The following SLC71A2 variants were observed in gnomAD, a reference collection of about 807,000 sequenced individuals.
SLC71A2 encodes the protein solute carrier family 71 member 2, also known as hippocampus abundant transcript-like 1.
chr9:94,388,182 A>G, the SLC71A2 span, among the ~76,000 whole-genome samples: 2 of 152,216 alleles, frequency 1.3e-5, no homozygotes, highest in South Asian at 2.1e-4. Flanking sequence ...AGTCAGCCAG[A>G]TACATGTGAG....
At chr9:94,443,578 T>G in the SLC71A2 span, among the ~76,000 whole-genome samples, 1 of 152,224 alleles carries the variant, frequency 6.6e-6, no homozygotes, top group Admixed American at 6.5e-5. Context: ...ATTCTTTAGA[T>G]TTATTCATCA....
chr9:94,409,416 C>T, the SLC71A2 span, among the ~76,000 whole-genome samples: 7 of 150,540 alleles, frequency 4.6e-5, no homozygotes, highest in African/African-American at 1.7e-4. Flanking sequence ...CCTTGACCCC[C>T]CAAAGTGCTA....
the SLC71A2 span, among the ~76,000 whole-genome samples, chr9:94,450,622 T>TG: frequency 6.6e-6 from 1 of 151,836 alleles, no homozygotes; most frequent in East Asian, 1.9e-4. Flanking sequence ...CCTGAGTAGC[T>TG]GGGATTACAG....
the SLC71A2 span, among the ~76,000 whole-genome samples, chr9:94,399,880 A>G: frequency 1.3e-5 from 2 of 149,540 alleles, no homozygotes; most frequent in Non-Finnish European, 3.0e-5. Flanking sequence ...ATCTCGGCTC[A>G]CTACAACCTC....
At chr9:94,408,835 G>GT in the SLC71A2 span, among the ~76,000 whole-genome samples, 2,074 of 109,816 alleles carry the variant, frequency 0.019, 84 homozygotes, top group African/African-American at 0.071. Context: ...TTGTTTGTTT[G>GT]TTTTTTGAGA....
chr9:94,409,055 G>A, the SLC71A2 span, among the ~76,000 whole-genome samples: 29,722 of 148,972 alleles, frequency 0.2, 3,189 homozygotes, highest in Middle Eastern at 0.29. Flanking sequence ...GGATGGTCTC[G>A]ACCTCCTGAC....
At chr9:94,425,964 G>C in the SLC71A2 span, among the ~76,000 whole-genome samples, 1 of 152,010 alleles carries the variant, frequency 6.6e-6, no homozygotes, top group Non-Finnish European at 1.5e-5. Flanking sequence ...CAGTCAGGCT[G>C]TAGCCAGTTT....
At chr9:94,416,755 G>A in the SLC71A2 span, among the ~76,000 whole-genome samples, 3 of 151,894 alleles carry the variant, frequency 2.0e-5, no homozygotes, top group East Asian at 3.9e-4. Context: ...TCAGGATTCT[G>A]AGGCAGGAGA....
the SLC71A2 span, among the ~76,000 whole-genome samples, chr9:94,405,518 A>AG: frequency 1.2e-3 from 188 of 150,864 alleles, 4 homozygotes; most frequent in Middle Eastern, 3.4e-3. Context: ...AAAAAAAAAA[A>AG]GACTGGGCTT....
At chr9:94,414,290 C>G in the SLC71A2 span, among the ~76,000 whole-genome samples, 1 of 152,062 alleles carries the variant, frequency 6.6e-6, no homozygotes, top group Non-Finnish European at 1.5e-5. Flanking sequence ...GAAAACGAGT[C>G]AAGGCAGGGT....
chr9:94,397,060 G>A, the SLC71A2 span, among the ~76,000 whole-genome samples: 6 of 152,304 alleles, frequency 3.9e-5, no homozygotes, highest in East Asian at 1.9e-4. Flanking sequence ...GTGAGCCACC[G>A]TGCCCGGCCT....
At chr9:94,442,938 G>C in the SLC71A2 span, among the ~76,000 whole-genome samples, 6,795 of 152,068 alleles carry the variant, frequency 0.045, 208 homozygotes, top group South Asian at 0.13. Context: ...CAAGAAGGTA[G>C]GTTGTTCAAG....
chr9:94,456,748 G>A, the SLC71A2 span, among the ~76,000 whole-genome samples: 1 of 152,166 alleles, frequency 6.6e-6, no homozygotes, highest in Non-Finnish European at 1.5e-5. Context: ...AAGTCTTTGA[G>A]CTTAATTTAG....
At chr9:94,442,135 G>C in the SLC71A2 span, among the ~76,000 whole-genome samples, 2 of 152,178 alleles carry the variant, frequency 1.3e-5, no homozygotes, top group Non-Finnish European at 2.9e-5. Context: ...AGGTTGTGGG[G>C]AATAGGTTGG....
At chr9:94,433,418 A>T in the SLC71A2 span, 4 of 150,798 alleles carry the variant, frequency 2.7e-5, no homozygotes, top group Middle Eastern at 3.2e-3. Context: ...CATGCCTGTA[A>T]TCCCAGCACT....
the SLC71A2 span, among the ~76,000 whole-genome samples, chr9:94,418,442 A>C: frequency 6.6e-6 from 1 of 151,878 alleles, no homozygotes; most frequent in Admixed American, 6.6e-5. Context: ...TGAGTGATTC[A>C]CATACTTTGT....
At chr9:94,399,116 C>T in the SLC71A2 span, among the ~76,000 whole-genome samples, 43,867 of 152,088 alleles carry the variant, frequency 0.29, 7,911 homozygotes, top group East Asian at 0.57. Context: ...CGTGCCCGGC[C>T]GGCTCTTTCA....
At chr9:94,445,890 CCT>C in the SLC71A2 span, among the ~76,000 whole-genome samples, 148 of 152,280 alleles carry the variant, frequency 9.7e-4, no homozygotes, top group African/African-American at 2.7e-3. Flanking sequence ...TAAAATACCC[CCT>C]GAGGGCATGA....
chr9:94,459,818 ATTTCAGGTAAAGAATCTCTT>A, the SLC71A2 span: 1 of 169,444 alleles, frequency 5.9e-6, no homozygotes, highest in East Asian at 1.6e-4. Context: ...CTCTGGCAAG[ATTTCAGGTAAAGAATCTCTT>A]CTTAATTTCT....
Sources: gnomAD v4.1 joint callset for allele counts (sites outside exome capture counted in the v4.1 genomes callset) on GRCh38, gnomAD v4.1.1 for gene constraint, MANE v1.5 for transcripts, NCBI Gene and HGNC (gene_info 2026-07-23, HGNC 2026-07-21) for gene names.